The following ANO4 variants were observed in gnomAD, a reference collection of about 807,000 sequenced individuals.
ANO4 encodes anoctamin 4.
Under a neutral mutation model 141.9 loss-of-function variants are expected in ANO4, and 69 were observed. The observed-to-expected ratio is 0.49, with a 90% CI of 0.40 to 0.59. The LOEUF (loss-of-function observed/expected upper bound fraction) is 0.59, where lower values mean the gene tolerates loss of function less well. Ranked by LOEUF, ANO4 falls within the 20% of genes least tolerant of loss-of-function variation. The probability of loss-of-function intolerance (pLI) is 0.00; values close to 1 mark genes in which losing one functional copy is unlikely to be tolerated. For synonymous variants in ANO4, 350 were observed against 394.3 expected (o/e 0.89, Z 1.33); for missense variants, 894 against 1,162.2 (o/e 0.77, Z 3.36).
chr12:101,127,691 T>A (rs894218350), intron 27 of ANO4, among the ~76,000 whole-genome samples, 170 bp from the exon 28 acceptor site: 1 of 152,230 alleles, frequency 6.6e-6, no homozygotes, highest in Non-Finnish European at 1.5e-5. Context: ...TCTGACTCAG[T>A]CTGTTCACCC....
chr12:100,972,712 A>T (rs2043983222), intron 6 of ANO4, among the ~76,000 whole-genome samples: 1 of 152,194 alleles, frequency 6.6e-6, no homozygotes, highest in African/African-American at 2.4e-5. Context: ...TTAATACCAT[A>T]TTATACCTAA....
At chr12:100,975,461 AC>A (rs2044132004) in intron 7 of ANO4, among the ~76,000 whole-genome samples, 1 of 139,544 alleles carries the variant, frequency 7.2e-6, no homozygotes, top group South Asian at 2.2e-4. Context: ...TTGCTCTGTC[AC>A]CCAGGCTGGA....
chr12:100,982,338 C>T (rs758540413), intron 7 of ANO4, among the ~76,000 whole-genome samples: 1 of 152,188 alleles, frequency 6.6e-6, no homozygotes, highest in Non-Finnish European at 1.5e-5. Flanking sequence ...TAAGTAAAGT[C>T]TATACTAAAG....
At chr12:101,085,838 C>T (rs1010332489) in intron 16 of ANO4, among the ~76,000 whole-genome samples, 1 of 152,140 alleles carries the variant, frequency 6.6e-6, no homozygotes, top group Admixed American at 6.5e-5. Context: ...GCTGTAGAAA[C>T]CATGTGAGCA....
rs2048249609 is a variant in ANO4 at position 101,059,230 on chromosome 12, T to C, written c.1312+10829T>C. 2.6e-5 allele frequency among the ~76,000 whole-genome samples: 4 copies of C among 152,344 alleles called. No individual in the cohort carries two copies. In the South Asian group the frequency reaches 8.3e-4, roughly 32 times the overall value. On this transcript the variant is annotated intron_variant, in intron 14 of 27. Coordinates refer to ENST00000392977, the MANE Select transcript of ANO4 (RefSeq NM_001286615.2). ...ATGAAGCCAACTTGATTGTGGTGGA[T>C]AAGCTTTTTGATGTGCTGCTGGATT...
At chr12:100,935,403 T>G (rs1272287704) in intron 3 of ANO4, among the ~76,000 whole-genome samples, 2 of 152,244 alleles carry the variant, frequency 1.3e-5, no homozygotes, top group African/African-American at 4.8e-5. Context: ...TTTATTGTTT[T>G]GCATATGTTG....
intron 24 of ANO4, among the ~76,000 whole-genome samples, chr12:101,114,356 T>A (rs2050773344): frequency 2.0e-5 from 3 of 152,166 alleles, no homozygotes; most frequent in African/African-American, 7.2e-5. Context: ...TCCCCCATTA[T>A]GGAAATGATA....
At chr12:100,968,200 G>T (rs1299501886) in intron 5 of ANO4, among the ~76,000 whole-genome samples, 1 of 152,078 alleles carries the variant, frequency 6.6e-6, no homozygotes, top group Non-Finnish European at 1.5e-5. Context: ...GAGATCCCAC[G>T]TCAGAATTTT....
intron 2 of ANO4, among the ~76,000 whole-genome samples, chr12:100,919,467 T>C (rs1283674383): frequency 2.0e-5 from 3 of 152,154 alleles, no homozygotes; most frequent in Non-Finnish European, 4.4e-5. Context: ...GTTACTACAG[T>C]ATTCAGTGCA....
intron 12 of ANO4, among the ~76,000 whole-genome samples, chr12:101,042,948 A>C (rs1341975002): frequency 6.6e-6 from 1 of 152,208 alleles, no homozygotes; most frequent in African/African-American, 2.4e-5. Flanking sequence ...GTACTCACAG[A>C]GATCTTGTTG....
chr12:101,023,158 C>G (rs145094257), intron 9 of ANO4, among the ~76,000 whole-genome samples: 1 of 152,236 alleles, frequency 6.6e-6, no homozygotes, highest in Non-Finnish European at 1.5e-5. Context: ...TCAATAAAGG[C>G]GTGCTGAACT....
chr12:100,963,316 TC>T, intron 5 of ANO4, among the ~76,000 whole-genome samples: 1 of 152,134 alleles, frequency 6.6e-6, no homozygotes, highest in East Asian at 1.9e-4. Context: ...CTGGATGAAG[TC>T]CTCAGGGACC....
chr12:100,910,043 G>A (rs569061147), intron 2 of ANO4, among the ~76,000 whole-genome samples: 7 of 151,852 alleles, frequency 4.6e-5, no homozygotes, highest in African/African-American at 1.7e-4. Flanking sequence ...TATTGCATAC[G>A]ACACACATAA....
chr12:100,913,816 C>T (rs1007964781), intron 2 of ANO4, among the ~76,000 whole-genome samples: 18 of 152,072 alleles, frequency 1.2e-4, no homozygotes, highest in Admixed American at 2.6e-4. Flanking sequence ...GCTGACAGGC[C>T]GATGCACAAG....
intron 14 of ANO4, among the ~76,000 whole-genome samples, chr12:101,078,537 G>GA (rs1220474772): frequency 1.3e-5 from 2 of 152,200 alleles, no homozygotes; most frequent in African/African-American, 4.8e-5. Context: ...TCTGCATGGG[G>GA]AGGCCAGCCA....
At chr12:100,964,728 C>T (rs1566064474) in intron 5 of ANO4, among the ~76,000 whole-genome samples, 1 of 152,272 alleles carries the variant, frequency 6.6e-6, no homozygotes, top group South Asian at 2.1e-4. Context: ...CTGGAATGCT[C>T]TCTCCCTGTG....
chr12:101,080,047 C>G (rs1593215094), intron 15 of ANO4, among the ~76,000 whole-genome samples: 1 of 152,222 alleles, frequency 6.6e-6, no homozygotes, highest in African/African-American at 2.4e-5. Flanking sequence ...TCTCTTACCC[C>G]TCCTGAGTCT....
At position 101,096,615 on chromosome 12, in the gene ANO4, C is replaced by T. The variant is rs2049993684; in HGVS notation, c.1818C>T (p.Ser606=). Residue 606 remains serine (S), a synonymous_variant, in exon 19 of 28, where the codon AGC becomes AGT. Coordinates refer to ENST00000392977, the MANE Select transcript of ANO4 (RefSeq NM_001286615.2). ...TTTTTCAGTTTGTCAATCTGAACAGCTCCACATTTTACATCGCATTCTTCC... is the reference window on the plus strand; with the variant it reads ...TTTTTCAGTTTGTCAATCTGAACAGTTCCACATTTTACATCGCATTCTTCC... ...MFLFQFVNLN[S]STFYIAFFLG... The T allele has an allele frequency of 1.2e-6, 2 of 1,613,510 alleles. No individual in the cohort carries two copies. The highest frequency in any genetic ancestry group is 1.7e-6 in the Non-Finnish European group (2 of 1,179,606).
Position 100,929,977 on chromosome 12 carries a change from CCTT to C in ANO4, c.160+7650_160+7652del, listed in dbSNP as rs568373424. Among the ~76,000 whole-genome samples, 766 of 152,166 alleles carry C rather than the reference CCTT, an allele frequency of 5.0e-3. 7 individuals are homozygous for C. The highest frequency in any genetic ancestry group is 0.016 in the South Asian group (76 of 4,826). On this transcript the variant is annotated intron_variant, in intron 3 of 27. Coordinates refer to ENST00000392977, the MANE Select transcript of ANO4 (RefSeq NM_001286615.2). ...GTGCCTGTTTGCCATTTCTGTGTCT[CCTT>C]CTGAGAAATGTCTTATTCAGACATC... is the stretch of plus-strand genomic sequence containing the variant.
Sources: allele counts gnomAD v4.1 joint callset (sites outside exome capture counted in the v4.1 genomes callset), GRCh38; gene constraint gnomAD v4.1.1; transcripts MANE v1.5; gene names NCBI Gene and HGNC (gene_info 2026-07-23, HGNC 2026-07-21).